Variants in ITGAM observed in about 807,000 individuals in gnomAD.
The protein encoded by ITGAM is integrin alpha-M.
In ITGAM, 79 loss-of-function variants were observed where a neutral mutation model predicts 137.5. The observed-to-expected ratio is 0.57, with a 90% CI of 0.48 to 0.69. ITGAM has a LOEUF of 0.69. ITGAM is among the 30% of genes least tolerant of loss of function. The pLI is 0.00. For missense variants in ITGAM, 1,343 were observed against 1,483.5 expected, an observed-to-expected ratio of 0.91 and a Z score of 1.56; for synonymous variants, 583 against 592.3, an observed-to-expected ratio of 0.98 and a Z score of 0.23.
intron 5 of ITGAM, among the ~76,000 whole-genome samples, chr16:31,268,641 T>C (rs1175901699): frequency 6.6e-6 from 1 of 152,184 alleles, no homozygotes; most frequent in Non-Finnish European, 1.5e-5. Flanking sequence ...TCTCACTTCC[T>C]TTTCTAAGAA....
intron 2 of ITGAM, 73 bp downstream of exon 2, chr16:31,261,870 G>A (rs185641087): frequency 7.2e-5 from 59 of 822,908 alleles, no homozygotes; most frequent in Non-Finnish European, 1.4e-5. Flanking sequence ...AAAAATCAGC[G>A]ATTTGAGTGA....
chr16:31,278,198 G>A, intron 12 of ITGAM, 89 bp downstream of exon 12: 2 of 1,389,420 alleles, frequency 1.4e-6, no homozygotes, highest in South Asian at 1.4e-5. Context: ...TGACATGCAT[G>A]GCCCTCTTGT....
intron 29 of ITGAM, 45 bp from the exon 30 acceptor site, chr16:31,331,591 G>C: frequency 2.5e-5 from 19 of 771,250 alleles, no homozygotes; most frequent in Non-Finnish European, 3.4e-5. Context: ...GGAGCCGCAC[G>C]CTCCCTGGCT....
At chr16:31,287,089 C>G (rs1356613089) in intron 12 of ITGAM, among the ~76,000 whole-genome samples, 1 of 152,154 alleles carries the variant, frequency 6.6e-6, no homozygotes, top group Non-Finnish European at 1.5e-5. Context: ...CAGTTTCATT[C>G]TTCTGCATAT....
chr16:31,293,892 TG>T (rs1369792083), intron 12 of ITGAM, among the ~76,000 whole-genome samples: 1 of 152,210 alleles, frequency 6.6e-6, no homozygotes, highest in African/African-American at 2.4e-5. Flanking sequence ...ACCATTTTTT[TG>T]GTGTCATCTC....
chr16:31,325,712 T>G, intron 21 of ITGAM, 90 bp downstream of exon 21: 2 of 1,478,784 alleles, frequency 1.4e-6, no homozygotes, highest in South Asian at 2.7e-5. Context: ...GTGGTTCCTT[T>G]TTGTACAAAA....
intron 14 of ITGAM, among the ~76,000 whole-genome samples, chr16:31,306,616 A>G (rs1346014419): frequency 6.6e-6 from 1 of 151,096 alleles, no homozygotes; most frequent in East Asian, 1.9e-4. Flanking sequence ...TGGGCAAGAG[A>G]TTCTTTTGCC....
chr16:31,277,451 C>T (rs1481304544), intron 11 of ITGAM, among the ~76,000 whole-genome samples: 1 of 151,932 alleles, frequency 6.6e-6, no homozygotes, highest in Non-Finnish European at 1.5e-5. Context: ...CTCCGCCTCC[C>T]AGGTTCAAGC....
In ITGAM at chr16:31,306,631, C is replaced by G. The variant is rs187438546; in HGVS notation, c.1707+8677C>G. Among the ~76,000 whole-genome samples, 11 of 152,070 alleles carry G rather than the reference C, an allele frequency of 7.2e-5. No individual in the cohort carries two copies. The East Asian group carries it at 1.7e-3, about 24-fold the overall frequency. On this transcript the variant is annotated intron_variant, in intron 14 of 29. Coordinates refer to ENST00000544665, the MANE Select transcript of ITGAM (RefSeq NM_000632.4). ...TGGGCAAGAGATTCTTTTGCCTCAG[C>G]CTCCTGAGTAGCTGGGATTACAGGA...
chr16:31,329,937 C>T, intron 25 of ITGAM, 32 bp downstream of exon 25: 1 of 1,542,356 alleles, frequency 6.5e-7, no homozygotes. Context: ...TCCTGCACGG[C>T]CCTGCGCGTT....
intron 12 of ITGAM, among the ~76,000 whole-genome samples, chr16:31,281,460 G>C (rs1233334658): frequency 6.6e-6 from 1 of 152,042 alleles, no homozygotes; most frequent in Non-Finnish European, 1.5e-5. Flanking sequence ...GGGTGTATGT[G>C]TCCAGGAACT....
At chr16:31,275,768 C>T in intron 9 of ITGAM, 69 bp downstream of exon 9, 1 of 1,534,132 alleles carries the variant, frequency 6.5e-7, no homozygotes, top group Non-Finnish European at 8.9e-7. Context: ...ATAGTCCCCT[C>T]TAGAATCCAG....
At chr16:31,327,506 A>G (rs2080520174) in intron 22 of ITGAM, among the ~76,000 whole-genome samples, 1 of 151,820 alleles carries the variant, frequency 6.6e-6, no homozygotes. Context: ...AGGCACAAGA[A>G]TTGCTTGAGC....
intron 7 of ITGAM, among the ~76,000 whole-genome samples, chr16:31,272,442 TATATATATATATATATATATA>T (rs376161771): frequency 0.014 from 133 of 9,448 alleles, 1 homozygote; most frequent in African/African-American, 0.039. Flanking sequence ...TATATATATA[TATATATATATATATATATATA>T]TTTTTTTTTT....
Position 31,324,166 on chromosome 16 carries a change from AAAGG to A in ITGAM, c.2003-222_2003-219del, listed in dbSNP as rs1321965005. 2.6e-5 allele frequency among the ~76,000 whole-genome samples: 4 copies of A among 151,170 alleles called. No individual in the cohort carries two copies. The highest frequency in any genetic ancestry group is 1.9e-4 in the East Asian group (1 of 5,182). On this transcript the variant is annotated intron_variant, in intron 16 of 29. Coordinates refer to ENST00000544665, the MANE Select transcript of ITGAM (RefSeq NM_000632.4). The surrounding 1 kb of genome is among the most constrained non-coding windows in gnomAD (Gnocchi z 4.5). ...AAGTAGGAAAGGAAGGAAAGGAAGA[AAAGG>A]AAGGAAGGAAAGGAAAGGAAAAAAG...
chr16:31,286,874 T>C (rs943586259), intron 12 of ITGAM, among the ~76,000 whole-genome samples: 4 of 152,228 alleles, frequency 2.6e-5, no homozygotes, highest in African/African-American at 9.6e-5. Context: ...ATTTTTGTTT[T>C]TGTTGCAGTT....
rs1009390375 is a variant in ITGAM at position 31,331,871 on chromosome 16, G to A, written c.*164G>A. On this transcript the variant is annotated 3_prime_UTR_variant, in exon 30 of 30. Transcript: ENST00000544665. ...CAAGTGTGTATGTGCGTGTGTGCAA[G>A]TGTCTGTGTGCAAGTGTGTGCACAT... 1.2e-5 allele frequency: 7 copies of A among 588,122 alleles called. No homozygotes were observed. The highest frequency in any genetic ancestry group is 1.8e-5 in the Non-Finnish European group (6 of 335,004). 36.4% of individuals were successfully genotyped at this position (588,122 alleles called of 1,614,324 possible). A position where few individuals can be genotyped will look rare whatever the true frequency, so the allele number is the denominator to read the frequency against.
intron 12 of ITGAM, among the ~76,000 whole-genome samples, chr16:31,293,127 T>A (rs899710705): frequency 1.3e-4 from 20 of 152,294 alleles, no homozygotes; most frequent in African/African-American, 4.8e-4. Context: ...GTAAATTTGT[T>A]TAAGTACCCT....
chr16:31,270,130 C>CTTTGCTT lies in ITGAM; in HGVS notation c.428-823_428-822insTTGCTTT, dbSNP rs770982735. Among the ~76,000 whole-genome samples, 155 of 90,366 alleles carry CTTTGCTT rather than the reference C, an allele frequency of 1.7e-3. 1 individual carries two copies. The highest frequency in any genetic ancestry group is 1.0e-2 in the South Asian group (22 of 2,202). 59.3% of individuals were successfully genotyped at this position (90,366 alleles called of 152,430 possible). On this transcript the variant is annotated intron_variant, in intron 5 of 29. Transcript: ENST00000544665. ...CCTTCCTTCCTTCCTTCCTTCCTTCCTCCTTTGCTTTCCTTTCCTTTCCTT... is the reference window on the plus strand; with the variant it reads ...CCTTCCTTCCTTCCTTCCTTCCTTCCTTTGCTTTCCTTTGCTTTCCTTTCCTTTCCTT...
Sources: gnomAD v4.1 joint callset for allele counts (sites outside exome capture counted in the v4.1 genomes callset) on GRCh38, gnomAD v4.1.1 for gene constraint, Gnocchi (gnomAD v3.1) non-coding constraint, MANE v1.5 for transcripts, NCBI Gene and HGNC (gene_info 2026-07-23, HGNC 2026-07-21) for gene names.